LIPE: variants seen among roughly 807,000 people sequenced by gnomAD.
LIPE encodes hormone-sensitive lipase.
In LIPE, 66 loss-of-function variants were observed where a neutral mutation model predicts 88.5. The ratio of observed to expected loss-of-function variants is 0.75; its 90% CI spans 0.61 to 0.91. LIPE has a LOEUF of 0.91. LIPE is among the 40% of genes least tolerant of loss of function. The pLI is 0.00. For synonymous variants in LIPE, 570 were observed against 617.5 expected (o/e 0.92, Z 1.14); for missense variants, 1,346 against 1,434.7 (o/e 0.94, Z 1.00).
chr19:42,405,251 C>T, intron 8 of LIPE, 134 bp downstream of exon 8: 1 of 845,122 alleles, frequency 1.2e-6, no homozygotes, highest in Non-Finnish European at 1.8e-6. Context: ...GTGATCTGCC[C>T]ACCTCAGCCT....
intron 1 of LIPE, among the ~76,000 whole-genome samples, chr19:42,420,316 G>A (rs1332312419): frequency 2.0e-5 from 3 of 152,066 alleles, no homozygotes; most frequent in Admixed American, 6.6e-5. Context: ...GTGTACATAT[G>A]TACCTCTGCA....
intron 1 of LIPE, chr19:42,412,682 G>T (rs1033580637): frequency 1.2e-5 from 6 of 486,780 alleles, no homozygotes; most frequent in African/African-American, 1.0e-4. Context: ...CAGGCCCCCA[G>T]CCCCTTCATC....
Position 42,426,642 on chromosome 19 carries a change from A to G in LIPE, c.508T>C (p.Ser170Pro), listed in dbSNP as rs1043128346. 1 of 1,614,086 alleles carries G rather than the reference A, an allele frequency of 6.2e-7. No individual in the cohort carries two copies. The highest frequency in any genetic ancestry group is 8.5e-7 in the Non-Finnish European group (1 of 1,180,046). The change falls in exon 1 of 10, where the codon TCT becomes CCT. Residue 170 changes from serine (S) to proline (P), a missense_variant. Ser to Pro is a moderately conservative substitution (Grantham distance 74). Transcript: ENST00000244289. ...QAKPGAKREP[S>P]APTESTSQET... ...TGGGACGTAGATTCAGTCGGGGCAGATGGCTCCCTTTTGGCTCCAGGTTTA... is the reference window on the plus strand; with the variant it reads ...TGGGACGTAGATTCAGTCGGGGCAGGTGGCTCCCTTTTGGCTCCAGGTTTA...
intron 8 of LIPE, 46 bp downstream of exon 8, chr19:42,405,339 C>A: frequency 6.3e-7 from 1 of 1,593,250 alleles, no homozygotes; most frequent in Non-Finnish European, 8.6e-7. Flanking sequence ...TAGGCTGTCC[C>A]TCCTGCCCAC....
In LIPE at chr19:42,402,076, C is replaced by A; in HGVS notation, c.2968-1G>T. On this transcript the variant is annotated splice_acceptor_variant, in intron 9 of 9. Transcript: ENST00000244289. LOFTEE classifies it high-confidence loss of function. ...CCAGCATGGGGTCCAGCGCGCACGC[C>A]TACGGGACAGCGGGGAGGGACGTGG... 1 of 1,479,218 alleles carries A rather than the reference C, an allele frequency of 6.8e-7. No individual in the cohort carries two copies. The highest frequency in any genetic ancestry group is 9.0e-7 in the Non-Finnish European group (1 of 1,111,672). 91.6% of individuals were successfully genotyped at this position (1,479,218 alleles called of 1,614,324 possible).
rs1394073202 is a variant in LIPE, at chr19:42,427,019, C to T, written c.131G>A (p.Gly44Glu). 2 of 1,613,678 alleles carry T rather than the reference C, an allele frequency of 1.2e-6. No individual in the cohort carries two copies. Among genetic ancestry groups the T allele is most frequent in the African/African-American group, 1.3e-5 (1 of 74,790 alleles). ...IAQPESKTLQ[G>E]SNTQQKPASN... Reference sequence around the variant, plus strand: ...AGCAGGCTTCTGTTGGGTATTGGATCCCTGCAGAGTCTTCGATTCTGGCTG... The same window carrying T: ...AGCAGGCTTCTGTTGGGTATTGGATTCCTGCAGAGTCTTCGATTCTGGCTG... The change falls in exon 1 of 10, where the codon GGA (glycine) becomes GAA (glutamate). Residue 44 changes from glycine (G) to glutamate (E), a missense_variant. Physicochemically the swap from Gly to Glu is moderately conservative, Grantham distance 98. Transcript: ENST00000244289.
In LIPE at chr19:42,409,400, C is replaced by CAAAAAAAAAAAA. The variant is rs760628566; in HGVS notation, c.1419+895_1419+906dup. 4.3e-3 allele frequency among the ~76,000 whole-genome samples: 298 copies of CAAAAAAAAAAAA among 69,370 alleles called. 1 individual carries two copies. The highest frequency in any genetic ancestry group is 0.017 in the Middle Eastern group (2 of 118). The allele number at this position is 69,370 out of a possible 152,430, so 45.5% of individuals were successfully genotyped here. A position where few individuals can be genotyped will look rare whatever the true frequency, so the allele number is the denominator to read the frequency against. ...AACCCCATCTCTACTAAACAAAATA[C>CAAAAAAAAAAAA]AAAAAAAAAAAAAAAAAAAAATACA... is the stretch of plus-strand genomic sequence containing the variant. On this transcript the variant is annotated intron_variant, in intron 2 of 9. Coordinates refer to ENST00000244289, the MANE Select transcript of LIPE (RefSeq NM_005357.4).
chr19:42,410,796 C>T lies in LIPE; in HGVS notation c.930G>A (p.Ser310=), dbSNP rs146332894. ...HNMDLRTMTQ[S]LVTLAEDNIA... ...TGTTGTCCTCCGCCAGAGTCACCAG[C>T]GACTGTGTCATTGTGCGCAGGTCCA... The change falls in exon 2 of 10, where the codon TCG becomes TCA. Residue 310 remains serine, a synonymous_variant. Transcript: ENST00000244289. The surrounding 1 kb of genome is among the most constrained non-coding windows in gnomAD (Gnocchi z 6.1). The T allele has an allele frequency of 2.6e-5, 42 of 1,593,362 alleles. No homozygotes were observed. The highest frequency in any genetic ancestry group is 2.4e-4 in the African/African-American group (18 of 74,680).
chr19:42,425,727 T>C (rs758523313), intron 1 of LIPE, among the ~76,000 whole-genome samples: 3 of 152,172 alleles, frequency 2.0e-5, no homozygotes, highest in Non-Finnish European at 2.9e-5. Flanking sequence ...TGAGGATCGC[T>C]TGAGCCCAGG....
chr19:42,407,568 G>A lies in LIPE; in HGVS notation c.1842+38C>T, dbSNP rs1305749206. ...AAGGTGGGGGCTGCCCACGCTCCTC[G>A]GCTCTGTCCCTGTCCCTGGCTGAGG... is the stretch of plus-strand genomic sequence containing the variant. On this transcript the variant is annotated intron_variant, in intron 5 of 9. Coordinates refer to ENST00000244289, the MANE Select transcript of LIPE (RefSeq NM_005357.4). This position sits in a 1 kb window ranked among gnomAD's most constrained non-coding sequence, Gnocchi z 5.8. The A allele has an allele frequency of 7.0e-6, 11 of 1,582,522 alleles. No homozygotes were observed. Among genetic ancestry groups the A allele is most frequent in the South Asian group, 1.2e-5 (1 of 86,082 alleles).
chr19:42,407,922 TGGCCTCAGATGAGTCTCTG>T lies in LIPE; in HGVS notation c.1656+35_1656+53del. 6.3e-7 allele frequency: 1 copy of T among 1,590,048 alleles called. No homozygotes were observed. Among genetic ancestry groups the T allele is most frequent in the African/African-American group, 1.3e-5 (1 of 74,422 alleles). On this transcript the variant is annotated intron_variant, in intron 4 of 9. Coordinates refer to ENST00000244289, the MANE Select transcript of LIPE (RefSeq NM_005357.4). This position sits in a 1 kb window ranked among gnomAD's most constrained non-coding sequence, Gnocchi z 5.8. ...CCTGGAGCCCCACAGAGACCTACTG[TGGCCTCAGATGAGTCTCTG>T]GGCCTCAGTGTCCCCATCTGCAACA... is the stretch of plus-strand genomic sequence containing the variant.
In LIPE at chr19:42,425,942, C is replaced by T. The variant is rs111786681; in HGVS notation, c.883+325G>A. On this transcript the variant is annotated intron_variant, in intron 1 of 9. Transcript: ENST00000244289. ...TCAGCCTCCCGAGTAGCTGGGATTA[C>T]AGGCACCTGCCACCACGCCTGGCTA... Among the ~76,000 whole-genome samples, 672 of 152,166 alleles carry T rather than the reference C, an allele frequency of 4.4e-3. 7 individuals are homozygous for T. Among genetic ancestry groups the T allele is most frequent in the African/African-American group, 0.015 (632 of 41,540 alleles).
chr19:42,426,746 T>C lies in LIPE; in HGVS notation c.404A>G (p.His135Arg), dbSNP rs1310053501. The change falls in exon 1 of 10, where the codon CAT (histidine) becomes CGT (arginine). Residue 135 changes from histidine to arginine, a missense_variant. His to Arg is a conservative substitution (Grantham distance 29). Coordinates refer to ENST00000244289, the MANE Select transcript of LIPE (RefSeq NM_005357.4). ...TQQEPALRQR[H>R]VAQPGPGPGE... ...TGGCCCAGGCCCTGGCTGGGCTACA[T>C]GTCTTTGTCTCAATGCTGGCTCCTG... 2 of 1,613,560 alleles carry C rather than the reference T, an allele frequency of 1.2e-6. No individual in the cohort carries two copies. The highest frequency in any genetic ancestry group is 1.7e-6 in the Non-Finnish European group (2 of 1,179,844).
chr19:42,410,268 T>A lies in LIPE; in HGVS notation c.1419+39A>T. The A allele has an allele frequency of 6.6e-7, 1 of 1,517,856 alleles. No homozygotes were observed. Among genetic ancestry groups the A allele is most frequent in the Non-Finnish European group, 8.9e-7 (1 of 1,127,532 alleles). 94.0% of individuals were successfully genotyped at this position (1,517,856 alleles called of 1,614,324 possible). A position where few individuals can be genotyped will look rare whatever the true frequency, so the allele number is the denominator to read the frequency against. On this transcript the variant is annotated intron_variant, in intron 2 of 9. Coordinates refer to ENST00000244289, the MANE Select transcript of LIPE (RefSeq NM_005357.4). The surrounding 1 kb of genome is among the most constrained non-coding windows in gnomAD (Gnocchi z 6.1). ...CCAGGCCAGGGGCCACCAGGTGCCTTCATTGTGGGCCCAGAGGGGCACGGG... is the reference window on the plus strand; with the variant it reads ...CCAGGCCAGGGGCCACCAGGTGCCTACATTGTGGGCCCAGAGGGGCACGGG...
chr19:42,419,100 G>A (rs927923977), intron 1 of LIPE, among the ~76,000 whole-genome samples: 1 of 152,124 alleles, frequency 6.6e-6, no homozygotes, highest in African/African-American at 2.4e-5. Context: ...CCAACATGGA[G>A]AAACCCTGTC....
intron 7 of LIPE, 184 bp from the exon 8 acceptor site, chr19:42,405,745 G>A (rs896105169): frequency 6.5e-6 from 4 of 616,882 alleles, no homozygotes; most frequent in Non-Finnish European, 1.1e-5. Context: ...CAAGGCGAGA[G>A]GATGGCTTGA....
intron 9 of LIPE, 41 bp downstream of exon 9, chr19:42,402,566 C>T (rs2147558349): frequency 7.0e-7 from 1 of 1,426,588 alleles, no homozygotes; most frequent in South Asian, 1.8e-5. Flanking sequence ...GTGCCCTGCT[C>T]TTCTCTAAAT....
At chr19:42,416,202 G>A (rs1257650987) in intron 1 of LIPE, among the ~76,000 whole-genome samples, 27 of 152,110 alleles carry the variant, frequency 1.8e-4, no homozygotes, top group Non-Finnish European at 2.9e-5. Flanking sequence ...AAAGAAGCCG[G>A]GCGTGGTGGC....
intron 9 of LIPE, 70 bp downstream of exon 9, chr19:42,402,537 C>T: frequency 7.4e-7 from 1 of 1,358,292 alleles, no homozygotes; most frequent in Non-Finnish European, 9.7e-7. Flanking sequence ...TACCCGTGCC[C>T]GGTCCCCCTC....
Sources: gnomAD v4.1 joint callset for allele counts (sites outside exome capture counted in the v4.1 genomes callset) on GRCh38, gnomAD v4.1.1 for gene constraint, Gnocchi (gnomAD v3.1) non-coding constraint, MANE v1.5 for transcripts, NCBI Gene and HGNC (gene_info 2026-07-23, HGNC 2026-07-21) for gene names.